C1orf21: variants seen among roughly 807,000 people sequenced by gnomAD.
C1orf21 encodes chromosome 1 open reading frame 21, also known as uncharacterized protein C1orf21.
In C1orf21, 3 loss-of-function variants were observed where a neutral mutation model predicts 18.7. The observed-to-expected ratio is 0.16, with a 90% CI of 0.07 to 0.42. The LOEUF is 0.42. C1orf21 is among the 10% of genes least tolerant of loss of function. The probability of loss-of-function intolerance (pLI) is 0.99; values close to 1 mark genes in which losing one functional copy is unlikely to be tolerated. For synonymous variants in C1orf21, 41 were observed against 46.4 expected, an observed-to-expected ratio of 0.88 and a Z score of 0.47; for missense variants, 104 against 143.6, an observed-to-expected ratio of 0.72 and a Z score of 1.41.
chr1:184,611,375 C>G (rs1374057920), intron 5 of C1orf21, among the ~76,000 whole-genome samples: 1 of 152,232 alleles, frequency 6.6e-6, no homozygotes, highest in Non-Finnish European at 1.5e-5. Flanking sequence ...TGGAAGGCAC[C>G]TGCTTCCTAC....
rs574458839 is a variant in C1orf21, at chr1:184,459,941, C to T, written c.-124-17445C>T. ...CTCTCACTTTTCCTCTGGCCGCTTC[C>T]AGTCTCCTCAGCCTCCCACAGCTGC... On this transcript the variant is annotated intron_variant, in intron 1 of 5. Coordinates refer to ENST00000235307, the MANE Select transcript of C1orf21 (RefSeq NM_030806.4). Among the ~76,000 whole-genome samples the T allele has an allele frequency of 4.5e-4, 68 of 152,296 alleles. 1 individual carries two copies. Among genetic ancestry groups the T allele is most frequent in the Admixed American group, 1.4e-3 (21 of 15,300 alleles).
chr1:184,572,204 A>G (rs1659122283), intron 3 of C1orf21, among the ~76,000 whole-genome samples: 1 of 152,198 alleles, frequency 6.6e-6, no homozygotes, highest in Admixed American at 6.5e-5. Context: ...GTGTTTCTCC[A>G]TTATCAGATT....
intron 1 of C1orf21, among the ~76,000 whole-genome samples, chr1:184,419,014 C>G (rs1656503740): frequency 6.6e-6 from 1 of 152,156 alleles, no homozygotes; most frequent in Non-Finnish European, 1.5e-5. Flanking sequence ...AAACTGCACT[C>G]TAGAGGCTTT....
chr1:184,570,897 C>T (rs756881387), intron 3 of C1orf21, among the ~76,000 whole-genome samples: 1 of 152,186 alleles, frequency 6.6e-6, no homozygotes, highest in South Asian at 2.1e-4. Flanking sequence ...TAGCCTGTTG[C>T]TCCTAGGCTA....
intron 1 of C1orf21, among the ~76,000 whole-genome samples, chr1:184,409,486 T>G (rs1472912640): frequency 6.6e-6 from 1 of 152,136 alleles, no homozygotes; most frequent in Non-Finnish European, 1.5e-5. Flanking sequence ...AAGGGATTCG[T>G]AATGGATCTT....
chr1:184,392,130 A>T lies in C1orf21; in HGVS notation c.-125+4762A>T, dbSNP rs577728230. 2.0e-5 allele frequency among the ~76,000 whole-genome samples: 3 copies of T among 152,252 alleles called. No homozygotes were observed. The East Asian group carries it at 5.8e-4, about 29-fold the overall frequency. ...GGTCTTCATCTTATTTGCCTCAGGG[A>T]TTTGGTGAATAACAGTGCCTAATAT... On this transcript the variant is annotated intron_variant, in intron 1 of 5. Transcript: ENST00000235307.
chr1:184,545,858 G>A (rs1658720586), intron 3 of C1orf21: 1 of 152,144 alleles, frequency 6.6e-6, no homozygotes, highest in Non-Finnish European at 1.5e-5. Context: ...TTCCCAAGCA[G>A]GCTCTTGAGG....
chr1:184,501,572 C>T (rs780784357), intron 2 of C1orf21, among the ~76,000 whole-genome samples: 10 of 152,322 alleles, frequency 6.6e-5, no homozygotes, highest in African/African-American at 1.2e-4. Context: ...CTCTCCTACT[C>T]GCCATTAACT....
chr1:184,432,568 G>T (rs1471718614), intron 1 of C1orf21, among the ~76,000 whole-genome samples: 1 of 152,030 alleles, frequency 6.6e-6, no homozygotes, highest in African/African-American at 2.4e-5. Context: ...ACCTAATGTA[G>T]ATGATGGGTT....
At chr1:184,422,830 C>T (rs1187615993) in intron 1 of C1orf21, among the ~76,000 whole-genome samples, 2 of 152,212 alleles carry the variant, frequency 1.3e-5, no homozygotes, top group African/African-American at 4.8e-5. Flanking sequence ...CTTGAGGTCA[C>T]TCTACGTACA....
intron 1 of C1orf21, among the ~76,000 whole-genome samples, chr1:184,444,789 G>A (rs1312052573): frequency 1.3e-5 from 2 of 152,170 alleles, no homozygotes; most frequent in African/African-American, 4.8e-5. Flanking sequence ...TAAGCACCAA[G>A]TAGGAGTTTG....
Position 184,623,656 on chromosome 1 carries a change from C to T in C1orf21, c.*4100C>T, listed in dbSNP as rs1185475493. On this transcript the variant is annotated 3_prime_UTR_variant, in exon 6 of 6. Transcript: ENST00000235307. ...CTGGGTTAGGCAGTCGGCTGTCACACTCACATGTGCCTGCAATAAACCTTT... is the reference window on the plus strand; with the variant it reads ...CTGGGTTAGGCAGTCGGCTGTCACATTCACATGTGCCTGCAATAAACCTTT... The T allele has an allele frequency of 6.6e-6, 1 of 152,622 alleles. No individual in the cohort carries two copies. Among genetic ancestry groups the T allele is most frequent in the Non-Finnish European group, 1.5e-5 (1 of 68,046 alleles). 9.5% of individuals were successfully genotyped at this position (152,622 alleles called of 1,614,324 possible). A position where few individuals can be genotyped will look rare whatever the true frequency, so the allele number is the denominator to read the frequency against.
intron 3 of C1orf21, among the ~76,000 whole-genome samples, chr1:184,531,816 A>C (rs1336361273): frequency 1.3e-5 from 2 of 152,110 alleles, no homozygotes; most frequent in East Asian, 3.9e-4. Context: ...TTAACAGTGC[A>C]CTTCCTACAG....
chr1:184,421,635 C>T (rs1656548305), intron 1 of C1orf21, among the ~76,000 whole-genome samples: 1 of 151,960 alleles, frequency 6.6e-6, no homozygotes, highest in Non-Finnish European at 1.5e-5. Context: ...GTACTTGGGG[C>T]GGTAGAAGTT....
chr1:184,522,572 C>G (rs1204164413), intron 3 of C1orf21, among the ~76,000 whole-genome samples: 1 of 151,994 alleles, frequency 6.6e-6, no homozygotes, highest in Non-Finnish European at 1.5e-5. Context: ...GATACGGGAG[C>G]CCACTGAAAA....
At chr1:184,561,771 C>T (rs549214906) in intron 3 of C1orf21, among the ~76,000 whole-genome samples, 11 of 152,090 alleles carry the variant, frequency 7.2e-5, no homozygotes, top group Non-Finnish European at 1.5e-4. Context: ...GCGCCCACCA[C>T]CATGCCTGGC....
In C1orf21 at chr1:184,574,298, C is replaced by CT. The variant is rs138952586; in HGVS notation, c.190-16440dup. ...GTGATTCTAAGTGATTGTGAAAACT[C>CT]TGATGTCAGATGCATCTGGAAAGTT... is the stretch of plus-strand genomic sequence containing the variant. On this transcript the variant is annotated intron_variant, in intron 3 of 5. Coordinates refer to ENST00000235307, the MANE Select transcript of C1orf21 (RefSeq NM_030806.4). Among the ~76,000 whole-genome samples the CT allele has an allele frequency of 1.0e-2, 1,515 of 152,250 alleles. 29 individuals carry two copies. Among genetic ancestry groups the CT allele is most frequent in the African/African-American group, 0.035 (1,452 of 41,542 alleles).
chr1:184,397,490 G>A (rs1019133855), intron 1 of C1orf21, among the ~76,000 whole-genome samples: 2 of 152,088 alleles, frequency 1.3e-5, no homozygotes, highest in Non-Finnish European at 2.9e-5. Context: ...GGAGGCTGAG[G>A]CAGGAGAATG....
chr1:184,414,567 G>A (rs2101963794), intron 1 of C1orf21, among the ~76,000 whole-genome samples: 1 of 151,734 alleles, frequency 6.6e-6, no homozygotes, highest in Admixed American at 6.6e-5. Flanking sequence ...GCTTGACTAT[G>A]TAAACCTGAA....
Sources: gnomAD v4.1 joint callset for allele counts (sites outside exome capture counted in the v4.1 genomes callset) on GRCh38, gnomAD v4.1.1 for gene constraint, MANE v1.5 for transcripts, NCBI Gene and HGNC (gene_info 2026-07-23, HGNC 2026-07-21) for gene names.